The following DAB1 variants were observed in gnomAD, a reference collection of about 807,000 sequenced individuals.
DAB1 encodes the protein disabled homolog 1.
A neutral mutation model predicts 64.6 loss-of-function variants in DAB1; 15 were observed. The ratio of observed to expected loss-of-function variants is 0.23; its 90% confidence interval spans 0.16 to 0.36. DAB1 has a LOEUF of 0.36. Ranked by LOEUF, DAB1 falls within the 10% of genes least tolerant of loss-of-function variation. The pLI, the probability that DAB1 is intolerant of heterozygous loss-of-function variation, is 1.00. For synonymous variants in DAB1, 235 were observed against 251.9 expected, an observed-to-expected ratio of 0.93 and a Z score of 0.64; for missense variants, 596 against 706.7, an observed-to-expected ratio of 0.84 and a Z score of 1.78.
At chr1:57,176,740 C>T (rs1283134287) in intron 2 of DAB1, among the ~76,000 whole-genome samples, 1 of 151,870 alleles carries the variant, frequency 6.6e-6, no homozygotes, top group Non-Finnish European at 1.5e-5. Context: ...TGGTTATGGG[C>T]AAAGATTTGC....
chr1:57,372,143 TAAA>T (rs1326127162), intron 1 of DAB1, among the ~76,000 whole-genome samples: 1 of 152,176 alleles, frequency 6.6e-6, no homozygotes, highest in African/African-American at 2.4e-5. Context: ...ACGGAAATAA[TAAA>T]CATTCGCAGG....
intron 4 of DAB1, among the ~76,000 whole-genome samples, chr1:58,335,105 C>T (rs536197547): frequency 2.6e-5 from 4 of 152,268 alleles, no homozygotes; most frequent in South Asian, 2.1e-4. Context: ...AAATCATATA[C>T]GATCAGGAAA....
At position 58,463,020 on chromosome 1, in the gene DAB1, A is replaced by G. The variant is rs562012055; in HGVS notation, n.257+43040T>C. Among the ~76,000 whole-genome samples, 4 of 152,366 alleles carry G rather than the reference A, an allele frequency of 2.6e-5. No individual in the cohort carries two copies. The East Asian group carries it at 7.7e-4, about 29-fold the overall frequency. On this transcript the variant is annotated intron_variant and non_coding_transcript_variant, in intron 3 of 20. Transcript: ENST00000485760. ...GTAAGACTCAAATGAAATGGTGAAA[A>G]AGTGCTTCATAAGCAATGTCATACT... is the stretch of plus-strand genomic sequence containing the variant.
At chr1:58,451,465 G>A (rs1165012365) in intron 3 of DAB1, among the ~76,000 whole-genome samples, 1 of 152,184 alleles carries the variant, frequency 6.6e-6, no homozygotes, top group East Asian at 1.9e-4. Context: ...CTTTAGTGAA[G>A]AAATGGGTGG....
intron 7 of DAB1, among the ~76,000 whole-genome samples, chr1:57,559,874 T>C (rs547451391): frequency 6.1e-4 from 93 of 152,346 alleles, no homozygotes; most frequent in Non-Finnish European, 1.1e-3. Context: ...TTGCGAAGAT[T>C]AGTGCCACCA....
chr1:57,207,304 T>C (rs1233619564), intron 2 of DAB1, among the ~76,000 whole-genome samples: 1 of 151,706 alleles, frequency 6.6e-6, no homozygotes, highest in East Asian at 1.9e-4. Flanking sequence ...TAGCATTTGC[T>C]CCAGATATCG....
chr1:57,613,916 G>A (rs1468848582), intron 7 of DAB1, among the ~76,000 whole-genome samples: 4 of 152,154 alleles, frequency 2.6e-5, no homozygotes, highest in Non-Finnish European at 5.9e-5. Context: ...CTAGTAGAAA[G>A]GGGATAATAG....
intron 6 of DAB1, among the ~76,000 whole-genome samples, chr1:57,789,525 A>G (rs945669105): frequency 2.0e-5 from 3 of 152,252 alleles, no homozygotes; most frequent in Middle Eastern, 3.4e-3. Context: ...CATAGTTTGT[A>G]GTTGGCTGTC....
intron 1 of DAB1, chr1:58,536,632 A>G (rs1221996374): frequency 6.9e-6 from 6 of 872,842 alleles, no homozygotes; most frequent in Admixed American, 1.7e-5. Context: ...ACAAAGAGCA[A>G]TCCAAAACTA....
At chr1:58,285,314 C>A (rs1482236030) in intron 4 of DAB1, among the ~76,000 whole-genome samples, 2 of 152,048 alleles carry the variant, frequency 1.3e-5, no homozygotes, top group African/African-American at 4.8e-5. Context: ...AGCAATTGGG[C>A]AAGAGAAAGA....
chr1:57,780,401 A>C (rs1650006874), intron 6 of DAB1, among the ~76,000 whole-genome samples: 1 of 152,176 alleles, frequency 6.6e-6, no homozygotes, highest in African/African-American at 2.4e-5. Context: ...ACTAAGTAGC[A>C]TGGCCCTGTC....
At chr1:57,644,012 G>C (rs181049421) in intron 7 of DAB1, among the ~76,000 whole-genome samples, 2 of 152,214 alleles carry the variant, frequency 1.3e-5, no homozygotes, top group Non-Finnish European at 2.9e-5. Context: ...AGGGTCTTCT[G>C]ATTCTAAATT....
chr1:57,054,713 C>T (rs575811559), intron 9 of DAB1, among the ~76,000 whole-genome samples: 2 of 152,192 alleles, frequency 1.3e-5, no homozygotes, highest in East Asian at 1.9e-4. Context: ...CTCCTGACTT[C>T]GTGATCCACC....
chr1:57,894,409 G>A (rs1255547274), intron 5 of DAB1, among the ~76,000 whole-genome samples: 1 of 152,160 alleles, frequency 6.6e-6, no homozygotes, highest in Non-Finnish European at 1.5e-5. Flanking sequence ...GAAGTTGGTG[G>A]AGGCCTCTTT....
At chr1:58,414,940 C>A (rs1463896609) in intron 3 of DAB1, among the ~76,000 whole-genome samples, 4 of 151,982 alleles carry the variant, frequency 2.6e-5, no homozygotes, top group Non-Finnish European at 5.9e-5. Flanking sequence ...TGGGTAACAA[C>A]AAATGTGTCA....
chr1:57,017,097 T>C (rs1646459932), intron 11 of DAB1, among the ~76,000 whole-genome samples: 1 of 152,020 alleles, frequency 6.6e-6, no homozygotes, highest in African/African-American at 2.4e-5. Flanking sequence ...CTCCTTGCCT[T>C]CTATTTGATT....
chr1:57,671,053 T>C (rs959452045), intron 6 of DAB1, among the ~76,000 whole-genome samples: 3 of 152,150 alleles, frequency 2.0e-5, no homozygotes, highest in Non-Finnish European at 2.9e-5. Context: ...ACTCAGCACA[T>C]GACAAATTCA....
At chr1:57,973,499 T>C (rs1040276401) in intron 5 of DAB1, among the ~76,000 whole-genome samples, 5 of 152,232 alleles carry the variant, frequency 3.3e-5, no homozygotes, top group Non-Finnish European at 7.3e-5. Flanking sequence ...TCTATACATG[T>C]ACATTACATA....
At chr1:57,229,320 G>C (rs1363294500) in intron 2 of DAB1, among the ~76,000 whole-genome samples, 2 of 151,650 alleles carry the variant, frequency 1.3e-5, no homozygotes, top group African/African-American at 4.8e-5. Flanking sequence ...TCAGCCGCCA[G>C]AGTAGCTGGG....
Sources: allele counts gnomAD v4.1 joint callset (sites outside exome capture counted in the v4.1 genomes callset), GRCh38; gene constraint gnomAD v4.1.1; transcripts MANE v1.5; gene names NCBI Gene and HGNC (gene_info 2026-07-23, HGNC 2026-07-21).